NAALAD2: variants seen among roughly 807,000 people sequenced by gnomAD.
NAALAD2 encodes N-acetylated-alpha-linked acidic dipeptidase 2.
In NAALAD2, 89 loss-of-function variants were observed where a neutral mutation model predicts 95.6. The observed-to-expected ratio is 0.93, with a 90% CI of 0.78 to 1.11. NAALAD2 has a LOEUF of 1.11. Among genes scored for constraint, NAALAD2 ranks in the 50% least tolerant of loss-of-function variants. NAALAD2 has a pLI of 0.00. For missense variants in NAALAD2, 894 were observed against 872.4 expected (o/e 1.02, Z -0.31); for synonymous variants, 264 against 294.4 (o/e 0.90, Z 1.06).
intron 2 of NAALAD2, among the ~76,000 whole-genome samples, chr11:90,137,608 G>A (rs1037557245): frequency 2.6e-5 from 4 of 151,574 alleles, no homozygotes; most frequent in Non-Finnish European, 4.4e-5. Context: ...GTTTGTTGTT[G>A]ATGTTGTTGT....
chr11:90,158,223 C>T lies in NAALAD2; in HGVS notation c.875C>T (p.Ala292Val), dbSNP rs770946042. The change falls in exon 7 of 19, where the codon GCA (alanine) becomes GTA (valine). Residue 292 changes from alanine to valine, a missense_variant. Ala to Val is a moderately conservative substitution (Grantham distance 64). Transcript: ENST00000534061. Reference sequence around the variant, plus strand: ...GTACATCCCATTGGATATAATGATGCAGAAATATTATTACGGTATAGTTTT... The same window carrying T: ...GTACATCCCATTGGATATAATGATGTAGAAATATTATTACGGTATAGTTTT... The part of the protein sequence containing the change: ...IPVHPIGYND[A>V]EILLRYLGGI... The T allele has an allele frequency of 6.2e-7, 1 of 1,605,354 alleles. No homozygotes were observed. The highest frequency in any genetic ancestry group is 8.5e-7 in the Non-Finnish European group (1 of 1,173,270).
chr11:90,134,626 G>A, upstream of NAALAD2: 7 of 752,390 alleles, frequency 9.3e-6, no homozygotes, highest in South Asian at 6.4e-5. Context: ...CGGGTAGGGC[G>A]GAGGCGTGGC....
chr11:90,158,075 C>CA, intron 6 of NAALAD2, 70 bp from the exon 7 acceptor site: 8 of 1,176,752 alleles, frequency 6.8e-6, no homozygotes, highest in South Asian at 1.3e-5. Context: ...AACGGTTATG[C>CA]AAAAAATCCC....
In NAALAD2 at chr11:90,170,081, T is replaced by C; in HGVS notation, c.1355T>C (p.Leu452Pro). The change falls in exon 13 of 19, where the codon CTC becomes CCC. Residue 452 changes from leucine to proline, a missense_variant. Coordinates refer to ENST00000534061, the MANE Select transcript of NAALAD2 (RefSeq NM_005467.4). ...SDSSIEGNYT[L>P]RVDCTPLLYQ... Reference sequence around the variant, plus strand: ...ATTTATTTTTCAGGCAATTATACTCTCAGAGTTGACTGTACTCCCCTTCTT... The same window carrying C: ...ATTTATTTTTCAGGCAATTATACTCCCAGAGTTGACTGTACTCCCCTTCTT... 1.3e-6 allele frequency: 2 copies of C among 1,582,822 alleles called. No individual in the cohort carries two copies. The highest frequency in any genetic ancestry group is 1.7e-6 in the Non-Finnish European group (2 of 1,151,764).
intron 18 of NAALAD2, among the ~76,000 whole-genome samples, chr11:90,184,483 A>C (rs938848515): frequency 1.3e-5 from 2 of 152,156 alleles, no homozygotes; most frequent in Admixed American, 1.3e-4. Flanking sequence ...ATGCAAATGA[A>C]ATAGCAATGA....
Position 90,192,881 on chromosome 11 carries a change from G to A in NAALAD2, c.*1134G>A, listed in dbSNP as rs1565161365. Reference sequence around the variant, plus strand: ...GATTAAAGCTTCAATAAACTTGGTTGTTCATCTACTTCACCAAAACGAGTT... The same window carrying A: ...GATTAAAGCTTCAATAAACTTGGTTATTCATCTACTTCACCAAAACGAGTT... On this transcript the variant is annotated 3_prime_UTR_variant, in exon 19 of 19. Transcript: ENST00000534061. 6.6e-6 allele frequency: 1 copy of A among 151,942 alleles called. No individual in the cohort carries two copies. Among genetic ancestry groups the A allele is most frequent in the African/African-American group, 2.4e-5 (1 of 41,408 alleles). The allele number at this position is 151,942 out of a possible 1,614,324, so 9.4% of individuals were successfully genotyped here. A position where few individuals can be genotyped will look rare whatever the true frequency, so the allele number is the denominator to read the frequency against.
chr11:90,138,680 T>G (rs1951515091), intron 2 of NAALAD2, among the ~76,000 whole-genome samples: 1 of 150,808 alleles, frequency 6.6e-6, no homozygotes, highest in African/African-American at 2.4e-5. Context: ...CTACTAACTT[T>G]TGAATTTTTC....
chr11:90,162,708 T>C (rs1952330450), intron 8 of NAALAD2: 1 of 259,076 alleles, frequency 3.9e-6, no homozygotes, highest in East Asian at 7.2e-5. Flanking sequence ...TTTTAAAATT[T>C]GACTTCAAGG....
intron 6 of NAALAD2, 51 bp downstream of exon 6, chr11:90,152,535 C>G (rs1234834219): frequency 3.6e-6 from 5 of 1,406,494 alleles, no homozygotes; most frequent in Non-Finnish European, 4.9e-6. Context: ...ACTCCTTGCC[C>G]TTTTAGAAGG....
At chr11:90,180,122 GTTT>G (rs1274608123) in intron 16 of NAALAD2, among the ~76,000 whole-genome samples, 2 of 151,966 alleles carry the variant, frequency 1.3e-5, no homozygotes, top group African/African-American at 4.8e-5. Context: ...CCTGTCTATA[GTTT>G]TTTACCTCTC....
At chr11:90,185,797 T>C (rs1857120312) in intron 18 of NAALAD2, among the ~76,000 whole-genome samples, 1 of 152,024 alleles carries the variant, frequency 6.6e-6, no homozygotes. Context: ...TGAGTCCTAT[T>C]TGAACATTTG....
chr11:90,172,401 C>A (rs1952669912), intron 13 of NAALAD2, among the ~76,000 whole-genome samples: 1 of 152,130 alleles, frequency 6.6e-6, no homozygotes, highest in Non-Finnish European at 1.5e-5. Context: ...ACCACTGTTA[C>A]CTTCTACTTG....
At chr11:90,179,934 T>A (rs974907747) in intron 16 of NAALAD2, among the ~76,000 whole-genome samples, 2 of 152,174 alleles carry the variant, frequency 1.3e-5, no homozygotes, top group East Asian at 3.8e-4. Context: ...ATTATTCTTA[T>A]AGCTTTTCTA....
intron 2 of NAALAD2, among the ~76,000 whole-genome samples, chr11:90,138,474 G>A (rs771099010): frequency 2.5e-4 from 38 of 152,104 alleles, no homozygotes; most frequent in Non-Finnish European, 2.5e-4. Context: ...TTTAGTTTTA[G>A]TGCCTATATC....
intron 15 of NAALAD2, among the ~76,000 whole-genome samples, chr11:90,177,327 TA>T (rs1375176518): frequency 6.6e-6 from 1 of 151,240 alleles, no homozygotes; most frequent in African/African-American, 2.4e-5. Context: ...TTTTTTTTTT[TA>T]CCAATCAATT....
At chr11:90,180,501 C>T (rs1030925549) in intron 16 of NAALAD2, among the ~76,000 whole-genome samples, 1 of 151,934 alleles carries the variant, frequency 6.6e-6, no homozygotes, top group Admixed American at 6.6e-5. Context: ...ATTTAGAGCT[C>T]AGGATTTCTA....
intron 13 of NAALAD2, among the ~76,000 whole-genome samples, chr11:90,172,138 A>G (rs1054713160): frequency 6.6e-6 from 1 of 152,190 alleles, no homozygotes; most frequent in Admixed American, 6.5e-5. Flanking sequence ...GGATGTAGGA[A>G]CTGGAACAGA....
chr11:90,144,459 G>T (rs1194646887), intron 2 of NAALAD2, among the ~76,000 whole-genome samples: 1 of 152,006 alleles, frequency 6.6e-6, no homozygotes, highest in Non-Finnish European at 1.5e-5. Flanking sequence ...CAAGGAGGTT[G>T]GCTGGGCACG....
At chr11:90,183,069 G>A in intron 18 of NAALAD2, 61 bp downstream of exon 18, 6 of 1,256,402 alleles carry the variant, frequency 4.8e-6, no homozygotes, top group Non-Finnish European at 7.0e-6. Flanking sequence ...CCTAAAGTTG[G>A]CTTTAAACTA....
Sources: allele counts gnomAD v4.1 joint callset (sites outside exome capture counted in the v4.1 genomes callset), GRCh38; gene constraint gnomAD v4.1.1; transcripts MANE v1.5; gene names NCBI Gene and HGNC (gene_info 2026-07-23, HGNC 2026-07-21).